Variants in OPHN1 observed in about 807,000 individuals in gnomAD.
The protein encoded by OPHN1 is oligophrenin-1.
Under a neutral mutation model 60.7 loss-of-function variants are expected in OPHN1, and 11 were observed. The ratio of observed to expected loss-of-function variants is 0.18; its 90% CI spans 0.11 to 0.30. The LOEUF (loss-of-function observed/expected upper bound fraction) is 0.30, where lower values mean the gene tolerates loss of function less well. Ranked by LOEUF, OPHN1 falls within the 10% of genes least tolerant of loss-of-function variation. OPHN1 has a pLI of 1.00. For missense variants in OPHN1, 449 were observed against 611.0 expected, an observed-to-expected ratio of 0.73 and a Z score of 2.80; for synonymous variants, 226 against 222.6, an observed-to-expected ratio of 1.02 and a Z score of -0.14.
chrX:68,289,030 A>G (rs2078058433), intron 3 of OPHN1, among the ~76,000 whole-genome samples: 1 of 111,225 alleles, frequency 9.0e-6, no homozygotes, highest in Non-Finnish European at 1.9e-5. Context: ...ATAGTCATTA[A>G]GGAGCCAAAG....
At chrX:68,314,694 C>T (rs1371963170) in intron 2 of OPHN1, among the ~76,000 whole-genome samples, 2 of 107,353 alleles carry the variant, frequency 1.9e-5, no homozygotes, top group Non-Finnish European at 3.8e-5. Context: ...CAAAAAAAAA[C>T]GAACATCTTG....
chrX:68,095,712 GC>G (rs1179450923), intron 19 of OPHN1, among the ~76,000 whole-genome samples: 4 of 111,229 alleles, frequency 3.6e-5, no homozygotes, highest in African/African-American at 9.8e-5. Context: ...ACCAAGTCCT[GC>G]TGCTTTTGCC....
intron 5 of OPHN1, among the ~76,000 whole-genome samples, chrX:68,272,898 T>C (rs1221522053): frequency 5.3e-5 from 6 of 112,509 alleles, no homozygotes; most frequent in Admixed American, 4.7e-4. Flanking sequence ...TAAGTATTTT[T>C]ATCCTCAGTT....
intron 2 of OPHN1, among the ~76,000 whole-genome samples, chrX:68,338,740 T>C (rs2078335940): frequency 9.0e-6 from 1 of 111,396 alleles, no homozygotes; most frequent in Admixed American, 9.7e-5. Context: ...CTCTACATAA[T>C]GACAAAGTGG....
intron 5 of OPHN1, among the ~76,000 whole-genome samples, chrX:68,266,363 G>T (rs1027737274): frequency 9.0e-6 from 1 of 111,602 alleles, no homozygotes; most frequent in Non-Finnish European, 1.9e-5. Context: ...AAGAGAGTGG[G>T]GGCCAATATT....
intron 5 of OPHN1, among the ~76,000 whole-genome samples, chrX:68,271,408 G>C (rs1295182580): frequency 9.2e-6 from 1 of 108,757 alleles, no homozygotes; most frequent in Non-Finnish European, 1.9e-5. Context: ...ATGGTGGTAT[G>C]TGCCTGTAGT....
chrX:68,369,541 T>C (rs778013890), intron 2 of OPHN1, among the ~76,000 whole-genome samples: 5 of 111,224 alleles, frequency 4.5e-5, no homozygotes, highest in Non-Finnish European at 5.6e-5. Flanking sequence ...TCAGATTTAG[T>C]AGACAAAGAC....
chrX:68,221,006 A>G (rs894388022), intron 6 of OPHN1, among the ~76,000 whole-genome samples: 6 of 103,641 alleles, frequency 5.8e-5, no homozygotes, highest in Admixed American at 1.1e-4. Context: ...CTGTTTGCAG[A>G]CGACATGATT....
At chrX:68,228,584 C>CT (rs1244484060) in intron 6 of OPHN1, among the ~76,000 whole-genome samples, 1 of 111,736 alleles carries the variant, frequency 8.9e-6, no homozygotes, top group African/African-American at 3.3e-5. Flanking sequence ...GGCTTCATCC[C>CT]TGGGCTGCAA....
chrX:68,398,295 A>C lies in OPHN1; in HGVS notation c.154+34572T>G, dbSNP rs756880908. Among the ~76,000 whole-genome samples, 13 of 111,914 alleles carry C rather than the reference A, an allele frequency of 1.2e-4. 1 individual carries two copies. Among genetic ancestry groups the C allele is most frequent in the African/African-American group, 3.9e-4 (12 of 30,811 alleles). On this transcript the variant is annotated intron_variant, in intron 2 of 24. Transcript: ENST00000355520. The stretch of plus-strand genomic sequence containing the variant: ...TGATCCCCTTATTCCACAGTGCCCC[A>C]ATGCTTGCATGTTTTGGTTTTTCAT...
intron 6 of OPHN1, among the ~76,000 whole-genome samples, chrX:68,233,369 T>G (rs931483052): frequency 3.6e-5 from 4 of 112,364 alleles, no homozygotes; most frequent in African/African-American, 1.3e-4. Context: ...GCCTATGATA[T>G]TATTCCATCA....
chrX:68,290,605 A>AG (rs1402643144), intron 3 of OPHN1, among the ~76,000 whole-genome samples: 1 of 108,889 alleles, frequency 9.2e-6, no homozygotes, highest in African/African-American at 3.4e-5. Flanking sequence ...TCTCAAAAAA[A>AG]AAAGAAAGAA....
intron 2 of OPHN1, among the ~76,000 whole-genome samples, chrX:68,387,638 C>T (rs1396257075): frequency 9.0e-6 from 1 of 111,349 alleles, no homozygotes; most frequent in African/African-American, 3.3e-5. Flanking sequence ...GCGTGGCATA[C>T]AGATATTCAA....
intron 4 of OPHN1, 127 bp downstream of exon 4, chrX:68,282,929 T>G (rs1426745286): frequency 5.0e-5 from 26 of 523,353 alleles, no homozygotes; most frequent in South Asian, 5.6e-5. Flanking sequence ...ACCTAACTAT[T>G]TTTATAGCAC....
chrX:68,272,263 C>T (rs775068830), intron 5 of OPHN1, among the ~76,000 whole-genome samples: 4 of 111,028 alleles, frequency 3.6e-5, no homozygotes, highest in Non-Finnish European at 7.5e-5. Flanking sequence ...GTTGGCCTTA[C>T]TGGTAAAGAA....
chrX:68,272,599 G>A (rs779453961), intron 5 of OPHN1, among the ~76,000 whole-genome samples: 5 of 112,120 alleles, frequency 4.5e-5, no homozygotes, highest in East Asian at 2.8e-4. Context: ...GTTAACACCC[G>A]TACAAGTTTG....
chrX:68,181,612 G>A (rs939932638), intron 15 of OPHN1, among the ~76,000 whole-genome samples: 3 of 110,887 alleles, frequency 2.7e-5, no homozygotes, highest in Non-Finnish European at 5.7e-5. Context: ...ATCACTTGAG[G>A]TCAGGACTTT....
intron 18 of OPHN1, among the ~76,000 whole-genome samples, chrX:68,109,188 C>G (rs1406896311): frequency 1.8e-5 from 2 of 111,131 alleles, no homozygotes; most frequent in Non-Finnish European, 3.8e-5. Flanking sequence ...CCCCACTTCC[C>G]AGACCTTGCC....
At chrX:68,275,108 A>C (rs975586170) in intron 4 of OPHN1, among the ~76,000 whole-genome samples, 3 of 112,343 alleles carry the variant, frequency 2.7e-5, no homozygotes, top group Admixed American at 9.5e-5. Context: ...GGAGACCTGA[A>C]GGACAGGTGA....
Sources: gnomAD v4.1 joint callset for allele counts (sites outside exome capture counted in the v4.1 genomes callset) on GRCh38, gnomAD v4.1.1 for gene constraint, MANE v1.5 for transcripts, NCBI Gene and HGNC (gene_info 2026-07-23, HGNC 2026-07-21) for gene names.